The following REC114 variants were observed in gnomAD, a reference collection of about 807,000 sequenced individuals.
The protein encoded by REC114 is REC114 meiotic recombination protein, also known as meiotic recombination protein REC114.
In REC114, 27 loss-of-function variants were observed where a neutral mutation model predicts 31.3. The observed-to-expected ratio is 0.86, with a 90% CI of 0.64 to 1.19. The LOEUF (loss-of-function observed/expected upper bound fraction) is 1.19. Among genes scored for constraint, REC114 ranks in the 50% most tolerant of loss-of-function variants. REC114 has a pLI of 0.00. For synonymous variants in REC114, 134 were observed against 127.7 expected (o/e 1.05, Z -0.33); for missense variants, 344 against 326.9 (o/e 1.05, Z -0.40).
intron 2 of REC114, among the ~76,000 whole-genome samples, chr15:73,515,263 T>G (rs947504027): frequency 6.6e-6 from 1 of 152,284 alleles, no homozygotes. Context: ...ATTTAATACA[T>G]CCAAATAACT....
At chr15:73,448,527 C>T (rs571464797) in intron 1 of REC114, among the ~76,000 whole-genome samples, 12 of 152,308 alleles carry the variant, frequency 7.9e-5, no homozygotes, top group Admixed American at 2.0e-4. Context: ...ACCCGCATCT[C>T]CCTGGGACAG....
chr15:73,522,691 G>A (rs1283957254), intron 2 of REC114, among the ~76,000 whole-genome samples: 3 of 152,074 alleles, frequency 2.0e-5, no homozygotes, highest in African/African-American at 7.2e-5. Flanking sequence ...CATATTCATG[G>A]ACATTAGAGT....
intron 2 of REC114, among the ~76,000 whole-genome samples, chr15:73,500,728 GTT>G (rs58043618): frequency 0.024 from 2,492 of 103,630 alleles, 54 homozygotes; most frequent in African/African-American, 0.072. Flanking sequence ...TTCAATTATT[GTT>G]TTTTTTTTTT....
At chr15:73,526,743 T>C (rs1894013586) in intron 2 of REC114, among the ~76,000 whole-genome samples, 1 of 152,200 alleles carries the variant, frequency 6.6e-6, no homozygotes, top group African/African-American at 2.4e-5. Flanking sequence ...CTACTAGTCA[T>C]TGTTGCTGGT....
At chr15:73,509,243 C>A (rs537607646) in intron 2 of REC114, among the ~76,000 whole-genome samples, 2,739 of 149,188 alleles carry the variant, frequency 0.018, 18 homozygotes, top group African/African-American at 0.021. Flanking sequence ...TAAATGTCTT[C>A]TTTTGAGAAG....
At chr15:73,468,014 T>A (rs1290400215) in intron 1 of REC114, among the ~76,000 whole-genome samples, 1 of 152,156 alleles carries the variant, frequency 6.6e-6, no homozygotes, top group Non-Finnish European at 1.5e-5. Flanking sequence ...TGCCTCCCTC[T>A]TTCTCTTGTA....
chr15:73,526,788 A>C (rs764768485), intron 2 of REC114, among the ~76,000 whole-genome samples: 2 of 152,140 alleles, frequency 1.3e-5, no homozygotes, highest in Non-Finnish European at 2.9e-5. Context: ...ATCAGATGTC[A>C]GATATTGTGA....
intron 3 of REC114, among the ~76,000 whole-genome samples, chr15:73,540,993 T>A (rs1894230687): frequency 6.6e-6 from 1 of 152,240 alleles, no homozygotes; most frequent in Admixed American, 6.5e-5. Flanking sequence ...GTGTAAAGAA[T>A]GATCTTCATC....
intron 2 of REC114, among the ~76,000 whole-genome samples, chr15:73,475,950 A>T (rs1322808965): frequency 6.6e-6 from 1 of 152,158 alleles, no homozygotes; most frequent in African/African-American, 2.4e-5. Flanking sequence ...GCTTAGATAT[A>T]CACATATTTA....
chr15:73,537,865 T>A (rs768289281), intron 2 of REC114, among the ~76,000 whole-genome samples: 19 of 152,226 alleles, frequency 1.2e-4, no homozygotes, highest in Non-Finnish European at 2.4e-4. Context: ...ATATTTTTAT[T>A]AGCCTCTTGT....
At chr15:73,525,079 C>G (rs1049433032) in intron 2 of REC114, among the ~76,000 whole-genome samples, 7 of 152,178 alleles carry the variant, frequency 4.6e-5, no homozygotes, top group Non-Finnish European at 8.8e-5. Flanking sequence ...GTGGATCAGT[C>G]AAGTGCAAAG....
intron 2 of REC114, among the ~76,000 whole-genome samples, chr15:73,487,358 T>A (rs1277212800): frequency 6.6e-6 from 1 of 152,170 alleles, no homozygotes; most frequent in African/African-American, 2.4e-5. Flanking sequence ...GTAAGATTCA[T>A]CCTGAGGTAA....
At chr15:73,528,094 G>A (rs1894030352) in intron 2 of REC114, among the ~76,000 whole-genome samples, 1 of 152,014 alleles carries the variant, frequency 6.6e-6, no homozygotes, top group Admixed American at 6.6e-5. Context: ...ATCTTTGGAG[G>A]ATACTAGAGA....
At chr15:73,500,182 T>C (rs1300426741) in intron 2 of REC114, among the ~76,000 whole-genome samples, 1 of 152,148 alleles carries the variant, frequency 6.6e-6, no homozygotes, top group Non-Finnish European at 1.5e-5. Flanking sequence ...TGTCTCTCCC[T>C]CTACAATGTG....
intron 2 of REC114, among the ~76,000 whole-genome samples, chr15:73,507,748 TTTTTG>T (rs1323279484): frequency 1.3e-5 from 2 of 152,138 alleles, no homozygotes; most frequent in Non-Finnish European, 2.9e-5. Context: ...GAATGACAAA[TTTTTG>T]TTTTAACAAA....
intron 1 of REC114, among the ~76,000 whole-genome samples, chr15:73,455,900 C>T (rs1446036870): frequency 6.6e-6 from 1 of 152,090 alleles, no homozygotes; most frequent in Non-Finnish European, 1.5e-5. Context: ...TAACAAGCTC[C>T]CAGGTGACAC....
chr15:73,474,725 G>T, intron 2 of REC114, among the ~76,000 whole-genome samples: 2 of 152,122 alleles, frequency 1.3e-5, no homozygotes, highest in Non-Finnish European at 2.9e-5. Flanking sequence ...TTCATTATGG[G>T]ATATCATCAT....
rs1450020255 is a variant in REC114 at position 73,509,757 on chromosome 15, T to G, written c.250-30728T>G. Among the ~76,000 whole-genome samples the G allele has an allele frequency of 3.3e-5, 5 of 150,652 alleles. No homozygotes were observed. In the East Asian group the frequency reaches 9.8e-4, roughly 29 times the overall value. On this transcript the variant is annotated intron_variant, in intron 2 of 5. Coordinates refer to ENST00000331090, the MANE Select transcript of REC114 (RefSeq NM_001042367.2). ...GTCAAAGATCAGATAGTTGTAGGTA[T>G]GCGGCGTTATTTCTGAGGGCTCTGT...
chr15:73,460,171 G>A (rs973712427), intron 1 of REC114, among the ~76,000 whole-genome samples: 1 of 152,056 alleles, frequency 6.6e-6, no homozygotes, highest in African/African-American at 2.4e-5. Flanking sequence ...ATTTTATTGT[G>A]TAACAGACAT....
Sources: gnomAD v4.1 joint callset for allele counts (sites outside exome capture counted in the v4.1 genomes callset) on GRCh38, gnomAD v4.1.1 for gene constraint, MANE v1.5 for transcripts, NCBI Gene and HGNC (gene_info 2026-07-23, HGNC 2026-07-21) for gene names.